OPA1: variants seen among roughly 807,000 people sequenced by gnomAD.
OPA1 encodes dynamin-like GTPase OPA1, mitochondrial.
Under a neutral mutation model 152.9 loss-of-function variants are expected in OPA1, and 59 were observed. The observed-to-expected ratio is 0.39, with a 90% CI of 0.31 to 0.48. OPA1 has a LOEUF of 0.48. OPA1 is among the 20% of genes least tolerant of loss of function. The pLI, the probability that OPA1 is intolerant of heterozygous loss-of-function variation, is 0.96. For synonymous variants in OPA1, 400 were observed against 389.9 expected (o/e 1.03, Z -0.31); for missense variants, 1,008 against 1,216.8 (o/e 0.83, Z 2.55).
At chr3:193,675,335 A>C (rs1718746761) in intron 29 of OPA1, among the ~76,000 whole-genome samples, 1 of 120,294 alleles carries the variant, frequency 8.3e-6, no homozygotes, top group Non-Finnish European at 1.8e-5. Flanking sequence ...AAGAAAAAAA[A>C]AAAAAAAAAA....
At chr3:193,656,475 T>C (rs867610179) in intron 22 of OPA1, among the ~76,000 whole-genome samples, 12 of 152,340 alleles carry the variant, frequency 7.9e-5, no homozygotes, top group Middle Eastern at 6.8e-3. Flanking sequence ...TCATTAGGAG[T>C]TAGCTATAAT....
intron 16 of OPA1, 67 bp from the exon 17 acceptor site, chr3:193,645,486 G>GTA: frequency 8.3e-7 from 1 of 1,199,842 alleles, no homozygotes; most frequent in Non-Finnish European, 1.2e-6. Flanking sequence ...TTTCTAAATT[G>GTA]TATATTACGC....
intron 13 of OPA1, 42 bp from the exon 14 acceptor site, chr3:193,643,331 C>A (rs759418992): frequency 6.7e-7 from 1 of 1,502,370 alleles, no homozygotes. Flanking sequence ...ACAAATTCCC[C>A]CCAAACTTTA....
chr3:193,603,872 G>C (rs1343838675), intron 1 of OPA1, among the ~76,000 whole-genome samples: 1 of 152,108 alleles, frequency 6.6e-6, no homozygotes, highest in Non-Finnish European at 1.5e-5. Context: ...CACTATTTCT[G>C]ATACTACACT....
intron 29 of OPA1, among the ~76,000 whole-genome samples, chr3:193,677,109 T>C (rs914353508): frequency 6.6e-6 from 1 of 151,940 alleles, no homozygotes; most frequent in African/African-American, 2.4e-5. Context: ...CTAGCAAGTA[T>C]ATTCTTTTGC....
At chr3:193,679,886 A>G (rs539603282) in intron 29 of OPA1, among the ~76,000 whole-genome samples, 7 of 152,338 alleles carry the variant, frequency 4.6e-5, no homozygotes, top group African/African-American at 1.4e-4. Context: ...TTCCAGTTTA[A>G]TGGAATAAAT....
intron 1 of OPA1, among the ~76,000 whole-genome samples, chr3:193,600,370 C>G (rs1351287467): frequency 6.6e-6 from 1 of 152,178 alleles, no homozygotes; most frequent in Non-Finnish European, 1.5e-5. Context: ...CTAAATGATT[C>G]TTTATGTTCT....
At chr3:193,663,718 T>C (rs1399919889) in intron 26 of OPA1, among the ~76,000 whole-genome samples, 2 of 152,136 alleles carry the variant, frequency 1.3e-5, no homozygotes, top group Admixed American at 1.3e-4. Context: ...GTGCTATTTA[T>C]GTTTCTGTAC....
chr3:193,624,249 C>G (rs1295463468), intron 6 of OPA1: 1 of 152,154 alleles, frequency 6.6e-6, no homozygotes, highest in Non-Finnish European at 1.5e-5. Context: ...ACAGATTGAA[C>G]TCTTTGTTCT....
At chr3:193,644,462 T>C (rs1467069231) in intron 16 of OPA1, among the ~76,000 whole-genome samples, 1 of 152,214 alleles carries the variant, frequency 6.6e-6, no homozygotes, top group Non-Finnish European at 1.5e-5. Flanking sequence ...AAGGAAAGCA[T>C]ATGTTATAAT....
intron 29 of OPA1, among the ~76,000 whole-genome samples, chr3:193,671,318 T>G (rs1717869796): frequency 6.6e-6 from 1 of 152,162 alleles, no homozygotes; most frequent in Admixed American, 6.5e-5. Context: ...ACCAAAGATG[T>G]AGAACTTAAA....
chr3:193,677,294 T>C (rs1233236496), intron 29 of OPA1, among the ~76,000 whole-genome samples: 2 of 148,066 alleles, frequency 1.4e-5, no homozygotes, highest in South Asian at 2.1e-4. Flanking sequence ...TTTACTTCTT[T>C]TTTTTTTTTT....
rs1230361416 is a variant in OPA1, at chr3:193,614,737, C to T, written c.47C>T (p.Ser16Phe). ...RAAVACEVCQSLVKHSSGIKG... is the reference protein window; with the variant it reads ...RAAVACEVCQFLVKHSSGIKG... Reference sequence around the variant, plus strand: ...TTTTCTTTCAGTGAGGTCTGCCAGTCTTTAGTGAAACACAGCTCTGGAATA... The same window carrying T: ...TTTTCTTTCAGTGAGGTCTGCCAGTTTTTAGTGAAACACAGCTCTGGAATA... The change falls in exon 2 of 31, where the codon TCT becomes TTT. Residue 16 changes from serine to phenylalanine, a missense_variant. Coordinates refer to ENST00000361510, the MANE Select transcript of OPA1 (RefSeq NM_130837.3). 2 of 1,613,106 alleles carry T rather than the reference C, an allele frequency of 1.2e-6. No homozygotes were observed. Among genetic ancestry groups the T allele is most frequent in the South Asian group, 2.2e-5 (2 of 91,054 alleles).
rs766448341 is a variant in OPA1, at chr3:193,688,449, C to CTTTTTTTTTTTTTTTT, written c.2984-3582_2984-3567dup. 3.0e-4 allele frequency among the ~76,000 whole-genome samples: 19 copies of CTTTTTTTTTTTTTTTT among 63,356 alleles called. 1 individual carries two copies. Among genetic ancestry groups the CTTTTTTTTTTTTTTTT allele is most frequent in the Non-Finnish European group, 5.9e-4 (18 of 30,306 alleles). The allele number at this position is 63,356 out of a possible 152,430, so 41.6% of individuals were successfully genotyped here. Reference sequence around the variant, plus strand: ...TGATTTTTACTGAAATGGGTCTTTTCTTTTTTTTTTTTTTTTTTTTTTTTT... The same window carrying CTTTTTTTTTTTTTTTT: ...TGATTTTTACTGAAATGGGTCTTTTCTTTTTTTTTTTTTTTTTTTTTTTTTTTTTTTTTTTTTTTTT... On this transcript the variant is annotated intron_variant, in intron 29 of 30. Transcript: ENST00000361510.
Position 193,648,181 on chromosome 3 carries a change from T to A in OPA1, c.1935+47T>A, listed in dbSNP as rs144015601. On this transcript the variant is annotated intron_variant, in intron 20 of 30. Transcript: ENST00000361510. The stretch of plus-strand genomic sequence containing the variant: ...ATTTTGTATATATCTTAATTTAATG[T>A]TGTTTGCTAACTAAATTTATGTTGA... 9.7e-3 allele frequency: 14,015 copies of A among 1,442,742 alleles called. 97 individuals are homozygous for A. The highest frequency in any genetic ancestry group is 0.011 in the Non-Finnish European group (11,378 of 1,024,474). 89.4% of individuals were successfully genotyped at this position (1,442,742 alleles called of 1,614,324 possible).
intron 1 of OPA1, among the ~76,000 whole-genome samples, chr3:193,613,426 A>G (rs1728548502): frequency 6.6e-6 from 1 of 152,208 alleles, no homozygotes; most frequent in Admixed American, 6.5e-5. Context: ...ACATTTATAT[A>G]GTTATGCTGT....
intron 19 of OPA1, 66 bp downstream of exon 19, chr3:193,647,246 C>A: frequency 1.0e-6 from 1 of 969,532 alleles, no homozygotes. Context: ...TCTTTGGCAT[C>A]CATACGATTC....
At chr3:193,632,655 G>A (rs1023617266) in intron 8 of OPA1, among the ~76,000 whole-genome samples, 1 of 152,076 alleles carries the variant, frequency 6.6e-6, no homozygotes, top group African/African-American at 2.4e-5. Flanking sequence ...GATCGCTTGA[G>A]CCCAGGAGTT....
intron 3 of OPA1, among the ~76,000 whole-genome samples, chr3:193,616,831 A>G (rs1729090542): frequency 6.6e-6 from 1 of 152,234 alleles, no homozygotes; most frequent in Admixed American, 6.5e-5. Flanking sequence ...CAGAATTTAT[A>G]AAGATAAAAC....
Sources: gnomAD v4.1 joint callset for allele counts (sites outside exome capture counted in the v4.1 genomes callset) on GRCh38, gnomAD v4.1.1 for gene constraint, MANE v1.5 for transcripts, NCBI Gene and HGNC (gene_info 2026-07-23, HGNC 2026-07-21) for gene names.